The following CP variants were observed in gnomAD, a reference collection of about 807,000 sequenced individuals.
CP encodes caeruloplasmin.
CP carries 64 observed loss-of-function variants against 122.4 expected under a neutral mutation model. The ratio of observed to expected loss-of-function variants is 0.52; its 90% CI spans 0.43 to 0.64. CP has a LOEUF of 0.64. Ranked by LOEUF, CP falls within the 30% of genes least tolerant of loss-of-function variation. CP has a pLI of 0.00. For synonymous variants in CP, 440 were observed against 436.4 expected (o/e 1.01, Z -0.10); for missense variants, 1,167 against 1,284.4 (o/e 0.91, Z 1.40).
chr3:149,221,174 T>C (rs187618139), intron 1 of CP, among the ~76,000 whole-genome samples: 4 of 152,342 alleles, frequency 2.6e-5, no homozygotes, highest in African/African-American at 9.6e-5. Context: ...AAGATTAACC[T>C]ACTTAACTGT....
In CP at chr3:149,177,926, C is replaced by A; in HGVS notation, c.2932G>T (p.Asp978Tyr). The change falls in exon 17 of 19, where the codon GAT becomes TAT. Residue 978 changes from aspartate (D) to tyrosine (Y), a missense_variant. Around this residue, in one of 2 missense-constraint regions of CP, gnomAD observed 525 missense variants for 657.2 expected, o/e 0.80. Transcript: ENST00000264613. ...NLQGLTMHVG[D>Y]EVNWYLMGMG... ...CCCATCAGATACCAGTTGACTTCAT[C>A]TCCCACGTGCATTGTGAGGCCTTGT... 6.2e-7 allele frequency: 1 copy of A among 1,613,518 alleles called. No homozygotes were observed. The highest frequency in any genetic ancestry group is 8.5e-7 in the Non-Finnish European group (1 of 1,179,454).
downstream of CP, chr3:149,172,317 AT>A (rs1278182214): frequency 3.4e-5 from 22 of 640,854 alleles, no homozygotes; most frequent in African/African-American, 2.5e-4. Context: ...TATTTTATAT[AT>A]CACACACACA....
rs1025463872 is a variant in CP, at chr3:149,185,328, C to T, written c.2196G>A (p.Arg732=). 4.6e-5 allele frequency: 75 copies of T among 1,613,926 alleles called. No homozygotes were observed. The highest frequency in any genetic ancestry group is 6.2e-5 in the Non-Finnish European group (73 of 1,180,000). ...CCTCCACTGCTGCGATATAGTATGT[C>T]CTCTCTCCCAGGTAGAAGGTGGAAT... The part of the protein sequence containing the change: ...SEDSTFYLGE[R]TYYIAAVEVE... Residue 732 remains arginine, a synonymous_variant, in exon 12 of 19, where the codon AGG becomes AGA. Coordinates refer to ENST00000264613, the MANE Select transcript of CP (RefSeq NM_000096.4).
chr3:149,198,557 T>C lies in CP; in HGVS notation c.1523A>G (p.His508Arg), dbSNP rs1727067647. The C allele has an allele frequency of 2.5e-6, 4 of 1,614,020 alleles. No homozygotes were observed. Among genetic ancestry groups the C allele is most frequent in the South Asian group, 2.2e-5 (2 of 91,068 alleles). ...GGTGAATGTTTCTGTGGGTGCCACA[T>C]GGGAGGCTGAAGGAGGCACACCTGT... ...QSRSVPPSAS[H>R]VAPTETFTYE... Residue 508 changes from histidine to arginine, a missense_variant, in exon 9 of 19, where the codon CAT (histidine) becomes CGT (arginine). Around this residue, in one of 2 missense-constraint regions of CP, gnomAD observed 642 missense variants for 627.3 expected, o/e 1.02. Coordinates refer to ENST00000264613, the MANE Select transcript of CP (RefSeq NM_000096.4).
Position 149,199,890 on chromosome 3 carries a change from C to T in CP, c.1349-26G>A, listed in dbSNP as rs567874121. On this transcript the variant is annotated intron_variant, in intron 7 of 18. Coordinates refer to ENST00000264613, the MANE Select transcript of CP (RefSeq NM_000096.4). ...CTGGGAACAAAGAGAGAATTATTAT[C>T]CTTCCTTGGTATGTAACATGCAGAA... 4 of 1,611,822 alleles carry T rather than the reference C, an allele frequency of 2.5e-6. No homozygotes were observed. In the African/African-American group the frequency reaches 5.3e-5, roughly 22 times the overall value.
At chr3:149,220,622 T>A (rs1728747697) in intron 1 of CP, among the ~76,000 whole-genome samples, 2 of 152,140 alleles carry the variant, frequency 1.3e-5, no homozygotes, top group African/African-American at 4.8e-5. Context: ...ATGTATTTAT[T>A]TTTATGGTGA....
rs111270018 is a variant in CP, at chr3:149,165,861, A to G, written c.*13+85T>C. 54 of 384,212 alleles carry G rather than the reference A, an allele frequency of 1.4e-4. 1 individual carries two copies. The highest frequency in any genetic ancestry group is 8.6e-4 in the African/African-American group (41 of 47,826). 23.8% of individuals were successfully genotyped at this position (384,212 alleles called of 1,614,324 possible). ...AGACCTTTTGAGTGAGAGATTATCA[A>G]CCTTATTTCATCTCTGCCATCTGAT... On this transcript the variant is annotated intron_variant, in intron 5 of 5. Coordinates refer to the CP transcript ENST00000479771.
At chr3:149,167,134 G>A (rs1283774552) in intron 4 of CP, 4 of 1,613,910 alleles carry the variant, frequency 2.5e-6, no homozygotes, top group Non-Finnish European at 3.4e-6. Flanking sequence ...CATGTTCTGT[G>A]TCGTACACGC....
chr3:149,186,777 A>G, intron 10 of CP, 45 bp from the exon 11 acceptor site: 3 of 1,560,368 alleles, frequency 1.9e-6, no homozygotes, highest in South Asian at 2.2e-5. Flanking sequence ...TTTAGATTCT[A>G]CTACATGACA....
At chr3:149,169,612 C>T (rs1724780781), downstream of CP, among the ~76,000 whole-genome samples, 1 of 152,162 alleles carries the variant, frequency 6.6e-6, no homozygotes, top group African/African-American at 2.4e-5. Flanking sequence ...GATGCCAATA[C>T]TACTGCCTCA....
At chr3:149,173,755 C>T (rs1375273107) in intron 18 of CP, 25 bp from the exon 19 acceptor site, 1 of 1,225,882 alleles carries the variant, frequency 8.2e-7, no homozygotes. Context: ...ATTTTAAGAC[C>T]ATTATTAAAA....
At chr3:149,190,999 A>G (rs1726517055) in intron 9 of CP, among the ~76,000 whole-genome samples, 1 of 152,158 alleles carries the variant, frequency 6.6e-6, no homozygotes, top group South Asian at 2.1e-4. Flanking sequence ...TTAACATTAG[A>G]AAGTCTTTAA....
intron 5 of CP, chr3:149,162,881 A>G: frequency 6.2e-7 from 1 of 1,610,048 alleles, no homozygotes; most frequent in Non-Finnish European, 8.5e-7. Context: ...AGGATCTGGT[A>G]AGATAATGGA....
At chr3:149,196,034 C>T (rs1221132966) in intron 9 of CP, among the ~76,000 whole-genome samples, 2 of 152,096 alleles carry the variant, frequency 1.3e-5, no homozygotes, top group African/African-American at 2.4e-5. Flanking sequence ...TGGAGAAGAA[C>T]TATTCCAAGT....
At chr3:149,176,176 A>G (rs1346479068) in intron 18 of CP, 74 bp downstream of exon 18, 3 of 1,364,398 alleles carry the variant, frequency 2.2e-6, no homozygotes, top group Non-Finnish European at 2.1e-6. Context: ...TATTGGGGGA[A>G]GTATTTAGGC....
intron 9 of CP, 113 bp from the exon 10 acceptor site, chr3:149,188,315 T>C: frequency 3.5e-6 from 3 of 867,210 alleles, no homozygotes; most frequent in Non-Finnish European, 5.3e-6. Context: ...AGAACAGAAG[T>C]TTCTGTTGCT....
intron 1 of CP, among the ~76,000 whole-genome samples, chr3:149,214,496 A>G (rs954986013): frequency 6.6e-6 from 1 of 152,310 alleles, no homozygotes; most frequent in South Asian, 2.1e-4. Context: ...AATGACTGAG[A>G]TGATGTTTCC....
At chr3:149,183,059 G>A (rs1030808564) in intron 13 of CP, among the ~76,000 whole-genome samples, 1 of 152,102 alleles carries the variant, frequency 6.6e-6, no homozygotes, top group African/African-American at 2.4e-5. Context: ...GCTAAGGTGG[G>A]AGACTCACTT....
rs1185385288 is a variant in CP, at chr3:149,212,309, TAAAAAAAAATA to T, written c.394+131_394+141del. ...CTGGGTGACAGAAGTCAAAAAAAAT[TAAAAAAAAATA>T]AAAAAAAAATAGTTAAGAGCTGAAT... On this transcript the variant is annotated intron_variant, in intron 2 of 18. Coordinates refer to ENST00000264613, the MANE Select transcript of CP (RefSeq NM_000096.4). 28 of 833,166 alleles carry T rather than the reference TAAAAAAAAATA, an allele frequency of 3.4e-5. No homozygotes were observed. In the African/African-American group the frequency reaches 4.1e-4, roughly 12 times the overall value. 51.6% of individuals were successfully genotyped at this position (833,166 alleles called of 1,614,324 possible).
Sources: allele counts gnomAD v4.1 joint callset (sites outside exome capture counted in the v4.1 genomes callset), GRCh38; gene constraint gnomAD v4.1.1; regional missense constraint gnomAD v4.1.1; transcripts MANE v1.5; gene names NCBI Gene and HGNC (gene_info 2026-07-23, HGNC 2026-07-21).